The following PGBD5 variants were observed in gnomAD, a reference collection of about 807,000 sequenced individuals.
PGBD5 encodes piggyBac transposable element-derived protein 5.
Under a neutral mutation model 47.9 loss-of-function variants are expected in PGBD5, and 14 were observed. The ratio of observed to expected loss-of-function variants is 0.29; its 90% CI spans 0.19 to 0.46. The LOEUF (loss-of-function observed/expected upper bound fraction) is 0.46. Ranked by LOEUF, PGBD5 falls within the 20% of genes least tolerant of loss-of-function variation. PGBD5 has a pLI of 1.00. For synonymous variants in PGBD5, 316 were observed against 306.3 expected, an observed-to-expected ratio of 1.03 and a Z score of -0.33; for missense variants, 635 against 716.0, an observed-to-expected ratio of 0.89 and a Z score of 1.29.
intron 1 of PGBD5, among the ~76,000 whole-genome samples, chr1:230,423,380 G>C (rs1657702494): frequency 6.6e-6 from 1 of 152,174 alleles, no homozygotes. Flanking sequence ...TGCATTCTTT[G>C]CAAGTGGGGA....
intron 1 of PGBD5, among the ~76,000 whole-genome samples, chr1:230,401,603 C>A (rs1337791071): frequency 6.6e-6 from 1 of 152,208 alleles, no homozygotes; most frequent in African/African-American, 2.4e-5. Flanking sequence ...CCTCTGACTT[C>A]CAGTGGATTA....
chr1:230,424,478 T>C (rs1657726647), intron 1 of PGBD5, among the ~76,000 whole-genome samples: 1 of 152,200 alleles, frequency 6.6e-6, no homozygotes, highest in Admixed American at 6.5e-5. Flanking sequence ...AGAGTCCAGC[T>C]AACCCTACCG....
chr1:230,415,931 C>T (rs995061194), intron 1 of PGBD5, among the ~76,000 whole-genome samples: 7 of 152,220 alleles, frequency 4.6e-5, no homozygotes, highest in South Asian at 2.1e-4. Flanking sequence ...TGTAGCTCCA[C>T]TTCCTCATTT....
In PGBD5 at chr1:230,323,648, G is replaced by T. The variant is rs1445300452; in HGVS notation, c.1380-28C>A. 6.3e-7 allele frequency: 1 copy of T among 1,596,056 alleles called. No homozygotes were observed. The highest frequency in any genetic ancestry group is 1.1e-5 in the South Asian group (1 of 88,038). Reference sequence around the variant, plus strand: ...GAGGACAGAGGGAATAAGAACGGCTGACCCGATGGTTCATGGCACCCGGAG... The same window carrying T: ...GAGGACAGAGGGAATAAGAACGGCTTACCCGATGGTTCATGGCACCCGGAG... On this transcript the variant is annotated intron_variant, in intron 6 of 6. Coordinates refer to ENST00000391860, the MANE Select transcript of PGBD5 (RefSeq NM_001258311.2). This position sits in a 1 kb window ranked among gnomAD's most constrained non-coding sequence, Gnocchi z 4.1.
At chr1:230,383,268 C>T (rs1314714254) in intron 1 of PGBD5, among the ~76,000 whole-genome samples, 2 of 151,960 alleles carry the variant, frequency 1.3e-5, no homozygotes, top group African/African-American at 4.8e-5. Context: ...GAGACAGGGT[C>T]TCACTATGGT....
chr1:230,365,610 G>C (rs1328451950), intron 1 of PGBD5, among the ~76,000 whole-genome samples: 1 of 152,204 alleles, frequency 6.6e-6, no homozygotes, highest in Non-Finnish European at 1.5e-5. Flanking sequence ...GGAGTGCTCT[G>C]CTAGGCAGAG....
intron 5 of PGBD5, 94 bp from the exon 6 acceptor site, chr1:230,325,509 C>A (rs2102810739): frequency 1.2e-6 from 1 of 848,488 alleles, no homozygotes; most frequent in Non-Finnish European, 1.9e-6. Flanking sequence ...TAGCTGCTCC[C>A]AACTTAATAA....
Position 230,374,286 on chromosome 1 carries a change from A to G in PGBD5, c.332-16965T>C, listed in dbSNP as rs577163498. Among the ~76,000 whole-genome samples, 769 of 152,194 alleles carry G rather than the reference A, an allele frequency of 5.1e-3. 6 individuals are homozygous for G. The highest frequency in any genetic ancestry group is 0.018 in the African/African-American group (744 of 41,530). On this transcript the variant is annotated intron_variant, in intron 1 of 6. Coordinates refer to ENST00000391860, the MANE Select transcript of PGBD5 (RefSeq NM_001258311.2). ...ACAAAAATCAGCTGGGCATGGTGGCAGGCGCCTGTAATCCCAGCTACTCAG... is the reference window on the plus strand; with the variant it reads ...ACAAAAATCAGCTGGGCATGGTGGCGGGCGCCTGTAATCCCAGCTACTCAG...
At chr1:230,342,811 T>C (rs1382316689) in intron 3 of PGBD5, among the ~76,000 whole-genome samples, 1 of 152,232 alleles carries the variant, frequency 6.6e-6, no homozygotes, top group Non-Finnish European at 1.5e-5. Flanking sequence ...CAAAGCTCTG[T>C]AACTGTGCTC....
chr1:230,399,344 T>G (rs1657078700), intron 1 of PGBD5, among the ~76,000 whole-genome samples: 1 of 152,138 alleles, frequency 6.6e-6, no homozygotes. Flanking sequence ...CTTGGTGTCT[T>G]CTCAGGGAGT....
rs1667244369 is a variant in PGBD5, at chr1:230,332,920, C to T, written c.1197G>A (p.Gly399=). 1.2e-6 allele frequency: 2 copies of T among 1,614,232 alleles called. No individual in the cohort carries two copies. The change falls in exon 5 of 7, where the codon GGG becomes GGA. Residue 399 remains glycine (G), a synonymous_variant. Transcript: ENST00000391860. ...ARGQYQIKMK[G]NMSLICWYNK... ...TGTACCAGCAGATCAAGGACATGTT[C>T]CCCTTCATCTTGATTTGGTACTGGC...
intron 1 of PGBD5, among the ~76,000 whole-genome samples, chr1:230,371,222 A>G (rs1002907327): frequency 1.1e-4 from 17 of 151,916 alleles, no homozygotes; most frequent in African/African-American, 3.9e-4. Context: ...TGGCAATTCT[A>G]TTTTTTTTCT....
chr1:230,325,400 C>A lies in PGBD5; in HGVS notation c.1289G>T (p.Arg430Met), dbSNP rs749352192. The A allele has an allele frequency of 2.5e-6, 4 of 1,613,528 alleles. No individual in the cohort carries two copies. The highest frequency in any genetic ancestry group is 3.4e-6 in the Non-Finnish European group (4 of 1,179,726). The change falls in exon 6 of 7, where the codon AGG becomes ATG. Residue 430 changes from arginine (R) to methionine (M), a missense_variant. Coordinates refer to ENST00000391860, the MANE Select transcript of PGBD5 (RefSeq NM_001258311.2). The stretch of plus-strand genomic sequence containing the variant: ...GGGGCATGGGATCTCCCCACTCTTC[C>A]TTTTGATGATGACTCCTGAAGGCGA... ...SPVQQGVIIK[R>M]KSGEIPCPLA...
chr1:230,328,302 G>C (rs1179686932), intron 5 of PGBD5, among the ~76,000 whole-genome samples: 3 of 152,010 alleles, frequency 2.0e-5, no homozygotes, highest in Non-Finnish European at 4.4e-5. Flanking sequence ...TTTAACATGG[G>C]GGTTTCAGCT....
At chr1:230,329,971 CT>C (rs1005758783) in intron 5 of PGBD5, among the ~76,000 whole-genome samples, 4 of 152,154 alleles carry the variant, frequency 2.6e-5, no homozygotes, top group Non-Finnish European at 4.4e-5. Flanking sequence ...GAAATGAAAA[CT>C]TTTTTTTATG....
intron 2 of PGBD5, among the ~76,000 whole-genome samples, chr1:230,353,660 G>T (rs2102703354): frequency 6.6e-6 from 1 of 152,252 alleles, no homozygotes; most frequent in East Asian, 1.9e-4. Flanking sequence ...CTGGGAATCT[G>T]CAGCTAATCC....
chr1:230,389,106 C>T (rs994207872), intron 1 of PGBD5, among the ~76,000 whole-genome samples: 3 of 152,128 alleles, frequency 2.0e-5, no homozygotes, highest in Admixed American at 2.0e-4. Flanking sequence ...TTTGACAAGG[C>T]TTCGATGCAA....
chr1:230,407,617 C>T (rs1312510564), intron 1 of PGBD5, among the ~76,000 whole-genome samples: 1 of 151,948 alleles, frequency 6.6e-6, no homozygotes, highest in African/African-American at 2.4e-5. Flanking sequence ...GTCATGAGAG[C>T]GTAAGTGTTC....
intron 1 of PGBD5, among the ~76,000 whole-genome samples, chr1:230,363,929 A>T (rs904989134): frequency 5.9e-5 from 9 of 152,378 alleles, no homozygotes; most frequent in South Asian, 2.1e-4. Context: ...TGCCAGCTGC[A>T]GCTGGTACTT....
Sources: gnomAD v4.1 joint callset for allele counts (sites outside exome capture counted in the v4.1 genomes callset) on GRCh38, gnomAD v4.1.1 for gene constraint, Gnocchi (gnomAD v3.1) non-coding constraint, MANE v1.5 for transcripts, NCBI Gene and HGNC (gene_info 2026-07-23, HGNC 2026-07-21) for gene names.